The following ABLIM2 variants were observed in gnomAD, a reference collection of about 807,000 sequenced individuals.
ABLIM2 encodes actin-binding LIM protein 2.
Under a neutral mutation model 97.7 loss-of-function variants are expected in ABLIM2, and 53 were observed. The observed-to-expected ratio is 0.54, with a 90% CI of 0.44 to 0.68. ABLIM2 has a LOEUF of 0.68. ABLIM2 is among the 30% of genes least tolerant of loss of function. The probability of loss-of-function intolerance (pLI) is 0.00; values close to 1 mark genes in which losing one functional copy is unlikely to be tolerated. For synonymous variants in ABLIM2, 361 were observed against 345.8 expected (o/e 1.04, Z -0.49); for missense variants, 835 against 867.2 (o/e 0.96, Z 0.47).
At position 8,151,388 on chromosome 4, in the gene ABLIM2, C is replaced by T. The variant is rs927611927; in HGVS notation, c.10+7292G>A. On this transcript the variant is annotated intron_variant, in intron 1 of 20. Coordinates refer to ENST00000447017, the MANE Select transcript of ABLIM2 (RefSeq NM_001130083.2). The stretch of plus-strand genomic sequence containing the variant: ...TCCCAGAATCCAAAGCCCCCTCCTC[C>T]GCCCCAGTCCTTCCCACAGACGCGA... 5.3e-5 allele frequency among the ~76,000 whole-genome samples: 8 copies of T among 152,310 alleles called. No individual in the cohort carries two copies. In the South Asian group the frequency reaches 8.3e-4, roughly 16 times the overall value.
Position 7,966,991 on chromosome 4 carries a change from C to T in ABLIM2, c.1937G>A (p.Ter646=), listed in dbSNP as rs1429794867. The T allele has an allele frequency of 6.2e-7, 1 of 1,612,446 alleles. No individual in the cohort carries two copies. The highest frequency in any genetic ancestry group is 8.5e-7 in the Non-Finnish European group (1 of 1,179,368). The part of the protein sequence containing the change: ...NDLKKKALLF[*] ...ACCAGTGGGGCAGGCTGGCAGCCGT[C>T]AGAACAAAAGGGCTTTCTTCTTAAG... The change falls in exon 21 of 21, where the codon TGA becomes TAA. Residue 646 remains the stop codon, a stop_retained_variant. Transcript: ENST00000447017.
rs1358680345 is a variant in ABLIM2 at position 7,984,898 on chromosome 4, A to T, written c.1681-5T>A. The T allele has an allele frequency of 6.2e-7, 1 of 1,608,316 alleles. No individual in the cohort carries two copies. Among genetic ancestry groups the T allele is most frequent in the African/African-American group, 1.3e-5 (1 of 74,864 alleles). ...ACAGGGGGCCAGATTGGCATTCTGG[A>T]AGAGAAAGAGAGGTTGGGCGGCAAG... On this transcript the variant is annotated splice_region_variant and splice_polypyrimidine_tract_variant and intron_variant, in intron 17 of 20. Transcript: ENST00000447017.
chr4:8,051,024 G>A (rs1269517579), intron 8 of ABLIM2, among the ~76,000 whole-genome samples: 3 of 152,244 alleles, frequency 2.0e-5, no homozygotes, highest in Non-Finnish European at 4.4e-5. Flanking sequence ...TGCCCGCTAG[G>A]CCAGTGACCC....
chr4:8,044,431 A>G lies in ABLIM2; in HGVS notation c.900+733T>C, dbSNP rs1442050222. ...GCAATATTAGCAAACATTAAATACA[A>G]TATTAAATATTAAATTTACATATAC... On this transcript the variant is annotated intron_variant, in intron 9 of 20. Transcript: ENST00000447017. The surrounding 1 kb of genome is among the most constrained non-coding windows in gnomAD (Gnocchi z 4.4). Among the ~76,000 whole-genome samples, 4 of 152,146 alleles carry G rather than the reference A, an allele frequency of 2.6e-5. No individual in the cohort carries two copies. The East Asian group carries it at 5.8e-4, about 22-fold the overall frequency.
chr4:8,100,007 G>C (rs574108357), intron 2 of ABLIM2, among the ~76,000 whole-genome samples: 74 of 152,330 alleles, frequency 4.9e-4, no homozygotes, highest in African/African-American at 1.7e-3. Context: ...CTGGCAGGAG[G>C]CAGGGCAGGT....
At chr4:7,993,828 A>C (rs2149991167) in intron 16 of ABLIM2, 1 of 453,292 alleles carries the variant, frequency 2.2e-6, no homozygotes, top group Non-Finnish European at 4.4e-6. Flanking sequence ...TGGGGCTGTC[A>C]GGAGGGGGCA....
chr4:8,094,448 C>T (rs185197744), intron 3 of ABLIM2, among the ~76,000 whole-genome samples: 1 of 152,184 alleles, frequency 6.6e-6, no homozygotes, highest in African/African-American at 2.4e-5. Flanking sequence ...TAAGGGCTCA[C>T]AACTCTAAGG....
intron 8 of ABLIM2, among the ~76,000 whole-genome samples, chr4:8,053,168 C>T (rs994239114): frequency 1.3e-5 from 2 of 152,244 alleles, no homozygotes; most frequent in Non-Finnish European, 2.9e-5. Context: ...CCCCTCTGCT[C>T]ACTGAGATAA....
At chr4:8,045,706 G>A (rs1319245382) in intron 8 of ABLIM2, among the ~76,000 whole-genome samples, 5 of 152,136 alleles carry the variant, frequency 3.3e-5, no homozygotes, top group African/African-American at 1.2e-4. Flanking sequence ...AGGAATTCTT[G>A]GAATAAACAC....
rs954764883 is a variant in ABLIM2 at position 8,150,899 on chromosome 4, G to A, written c.10+7781C>T. Among the ~76,000 whole-genome samples, 5 of 152,118 alleles carry A rather than the reference G, an allele frequency of 3.3e-5. No homozygotes were observed. The highest frequency in any genetic ancestry group is 9.7e-5 in the African/African-American group (4 of 41,428). ...AGGGTGTGGCTGATGATGCCAAAGC[G>A]GCTCCCACGGGGCACGACGTCAGGT... is the stretch of plus-strand genomic sequence containing the variant. On this transcript the variant is annotated intron_variant, in intron 1 of 20. Transcript: ENST00000447017. This position sits in a 1 kb window ranked among gnomAD's most constrained non-coding sequence, Gnocchi z 6.3.
intron 8 of ABLIM2, among the ~76,000 whole-genome samples, chr4:8,048,420 G>C (rs1231661317): frequency 1.3e-5 from 2 of 152,134 alleles, no homozygotes; most frequent in East Asian, 3.9e-4. Context: ...TCCTTCAACA[G>C]TCACTGGGGA....
intron 1 of ABLIM2, among the ~76,000 whole-genome samples, chr4:8,109,413 C>A (rs1173649977): frequency 6.6e-6 from 1 of 152,258 alleles, no homozygotes; most frequent in African/African-American, 2.4e-5. Context: ...TGCTAAATGC[C>A]AGCGCTGATT....
chr4:7,971,482 G>C (rs1373258355), intron 20 of ABLIM2, among the ~76,000 whole-genome samples: 1 of 152,294 alleles, frequency 6.6e-6, no homozygotes, highest in South Asian at 2.1e-4. Flanking sequence ...TTGCAGCATG[G>C]CAGGGGGACT....
chr4:7,967,178 G>A (rs971144560), intron 20 of ABLIM2, 75 bp from the exon 21 acceptor site: 11 of 1,241,332 alleles, frequency 8.9e-6, no homozygotes, highest in South Asian at 4.9e-5. Context: ...GTTTGCTGCC[G>A]CCAAGCAATC....
chr4:8,086,523 C>T (rs1215646308), intron 4 of ABLIM2, among the ~76,000 whole-genome samples: 1 of 151,938 alleles, frequency 6.6e-6, no homozygotes, highest in African/African-American at 2.4e-5. Flanking sequence ...AATTTTTGTA[C>T]TTTTATTAGA....
chr4:7,979,719 T>C (rs1452830890), intron 20 of ABLIM2, among the ~76,000 whole-genome samples: 1 of 152,236 alleles, frequency 6.6e-6, no homozygotes, highest in Non-Finnish European at 1.5e-5. Flanking sequence ...TTATCTAAGA[T>C]GGAGTGTTAA....
Position 7,965,423 on chromosome 4 carries a change from T to G in ABLIM2, c.*1567A>C, listed in dbSNP as rs1197647037. The G allele has an allele frequency of 6.6e-6, 1 of 152,584 alleles. No homozygotes were observed. The highest frequency in any genetic ancestry group is 1.9e-4 in the East Asian group (1 of 5,186). 9.5% of individuals were successfully genotyped at this position (152,584 alleles called of 1,614,324 possible). A position where few individuals can be genotyped will look rare whatever the true frequency, so the allele number is the denominator to read the frequency against. On this transcript the variant is annotated 3_prime_UTR_variant, in exon 21 of 21. Transcript: ENST00000447017. ...GGTTTCCAGTTGCTCAGGCTCAGAT[T>G]GCGCAATGGCAGGAAGCATATTAGG...
intron 1 of ABLIM2, among the ~76,000 whole-genome samples, chr4:8,137,626 G>A (rs13435074): frequency 0.14 from 20,857 of 152,290 alleles, 1,852 homozygotes; most frequent in African/African-American, 0.25. Flanking sequence ...AGGCAGCCAC[G>A]TCGCAGCCCC....
chr4:7,995,993 C>T (rs1753043075), intron 16 of ABLIM2, among the ~76,000 whole-genome samples: 1 of 152,154 alleles, frequency 6.6e-6, no homozygotes, highest in Admixed American at 6.5e-5. Context: ...ACAAGGCCTC[C>T]TGCCTTGCAG....
Sources: gnomAD v4.1 joint callset for allele counts (sites outside exome capture counted in the v4.1 genomes callset) on GRCh38, gnomAD v4.1.1 for gene constraint, Gnocchi (gnomAD v3.1) non-coding constraint, MANE v1.5 for transcripts, NCBI Gene and HGNC (gene_info 2026-07-23, HGNC 2026-07-21) for gene names.